The following KDM4C variants were observed in gnomAD, a reference collection of about 807,000 sequenced individuals.
KDM4C encodes the protein lysine demethylase 4C.
In KDM4C, 81 loss-of-function variants were observed where a neutral mutation model predicts 129.3. The observed-to-expected ratio is 0.63, with a 90% CI of 0.52 to 0.75. The LOEUF is 0.75. KDM4C is among the 30% of genes least tolerant of loss of function. The pLI is 0.00. For synonymous variants in KDM4C, 573 were observed against 456.1 expected (o/e 1.26, Z -3.26); for missense variants, 1,457 against 1,304.0 (o/e 1.12, Z -1.81).
chr9:7,105,624 A>G (rs1837598464), intron 18 of KDM4C: 1 of 362,062 alleles, frequency 2.8e-6, no homozygotes, highest in Non-Finnish European at 5.6e-6. Context: ...TTTAGCTCAT[A>G]CTCTATTATT....
At chr9:6,933,231 C>G (rs573994245) in intron 8 of KDM4C, among the ~76,000 whole-genome samples, 1 of 152,250 alleles carries the variant, frequency 6.6e-6, no homozygotes, top group Admixed American at 6.5e-5. Flanking sequence ...CTTTCAAAAG[C>G]CTTTAGTAGA....
At chr9:6,781,764 G>A (rs1169418153) in intron 1 of KDM4C, among the ~76,000 whole-genome samples, 1 of 151,928 alleles carries the variant, frequency 6.6e-6, no homozygotes, top group Non-Finnish European at 1.5e-5. Flanking sequence ...CGCTATGCGT[G>A]TCTGTGAATG....
intron 8 of KDM4C, among the ~76,000 whole-genome samples, chr9:6,905,806 CTTCA>C (rs1218360277): frequency 6.6e-6 from 1 of 152,158 alleles, no homozygotes; most frequent in Non-Finnish European, 1.5e-5. Flanking sequence ...CAGCCTGTGA[CTTCA>C]TTCAGCCCCT....
intron 5 of KDM4C, among the ~76,000 whole-genome samples, chr9:6,868,430 G>A (rs1477246667): frequency 1.3e-5 from 2 of 152,132 alleles, no homozygotes; most frequent in Non-Finnish European, 2.9e-5. Context: ...CTGGATCACC[G>A]ATTTGAGCCA....
intron 17 of KDM4C, among the ~76,000 whole-genome samples, chr9:7,061,064 T>G (rs1831594890): frequency 6.6e-6 from 1 of 152,178 alleles, no homozygotes; most frequent in South Asian, 2.1e-4. Flanking sequence ...TTTACTTTGT[T>G]TTTTAGTCTC....
At chr9:7,046,769 G>GA (rs1332135822) in intron 15 of KDM4C, 93 bp from the exon 16 acceptor site, 1 of 900,212 alleles carries the variant, frequency 1.1e-6, no homozygotes, top group Non-Finnish European at 1.8e-6. Context: ...ATTTTAGAAT[G>GA]AAAAATCAGG....
chr9:7,169,118 C>T (rs1042695665), intron 20 of KDM4C, among the ~76,000 whole-genome samples: 5 of 150,866 alleles, frequency 3.3e-5, no homozygotes, highest in Admixed American at 3.3e-4. Context: ...CTCCTTGTTA[C>T]GTTGTCAGAG....
intron 15 of KDM4C, among the ~76,000 whole-genome samples, chr9:7,046,354 G>T (rs75528126): frequency 3.9e-5 from 6 of 152,016 alleles, no homozygotes; most frequent in African/African-American, 7.2e-5. Context: ...AGAGTGAGGC[G>T]CAAGTGTTAC....
chr9:6,870,393 T>C (rs1454474742), intron 5 of KDM4C, among the ~76,000 whole-genome samples: 1 of 151,914 alleles, frequency 6.6e-6, no homozygotes, highest in Non-Finnish European at 1.5e-5. Flanking sequence ...ACTTTGGAGT[T>C]AAGATAGGTC....
chr9:7,003,702 A>G (rs1821144096), intron 12 of KDM4C, among the ~76,000 whole-genome samples: 1 of 152,190 alleles, frequency 6.6e-6, no homozygotes, highest in African/African-American at 2.4e-5. Flanking sequence ...CCTCAATGTC[A>G]TCACTTCTTA....
chr9:6,998,781 G>A (rs1180738587), intron 12 of KDM4C, among the ~76,000 whole-genome samples: 1 of 148,198 alleles, frequency 6.7e-6, no homozygotes, highest in African/African-American at 2.5e-5. Context: ...GGGCAACACA[G>A]CAGGACTCTG....
intron 8 of KDM4C, among the ~76,000 whole-genome samples, chr9:6,946,564 C>T (rs1827010870): frequency 6.6e-6 from 1 of 152,062 alleles, no homozygotes; most frequent in South Asian, 2.1e-4. Context: ...TAGGGTAAAT[C>T]TCTACCAAGT....
intron 1 of KDM4C, among the ~76,000 whole-genome samples, chr9:6,775,710 C>CG (rs1822886742): frequency 1.3e-5 from 2 of 150,964 alleles, no homozygotes; most frequent in East Asian, 3.9e-4. Flanking sequence ...TTAGTAGAGA[C>CG]GGGGTTTCTC....
rs536853551 is a variant in KDM4C at position 7,170,128 on chromosome 9, G to A, written c.2994+238G>A. On this transcript the variant is annotated intron_variant, in intron 21 of 21. Transcript: ENST00000381309. ...ATGAAGTCACATGATGCTTCTTTGT[G>A]TTGACATTTATTGGTGCACAAAAAT... 22 of 1,391,364 alleles carry A rather than the reference G, an allele frequency of 1.6e-5. No individual in the cohort carries two copies. The South Asian group carries it at 3.3e-4, about 21-fold the overall frequency. The allele number at this position is 1,391,364 out of a possible 1,614,324, so 86.2% of individuals were successfully genotyped here.
intron 4 of KDM4C, among the ~76,000 whole-genome samples, chr9:6,841,993 T>C (rs1320741870): frequency 6.6e-6 from 1 of 152,204 alleles, no homozygotes; most frequent in Non-Finnish European, 1.5e-5. Context: ...TCTTTGGCCA[T>C]TTGCATATTG....
At chr9:6,876,895 A>G (rs1190619815) in intron 5 of KDM4C, among the ~76,000 whole-genome samples, 1 of 152,220 alleles carries the variant, frequency 6.6e-6, no homozygotes, top group Non-Finnish European at 1.5e-5. Flanking sequence ...AAAAACATAA[A>G]AAAGCTTCGC....
intron 4 of KDM4C, among the ~76,000 whole-genome samples, chr9:6,839,344 G>A (rs4742267): frequency 2.7e-5 from 4 of 150,468 alleles, no homozygotes; most frequent in African/African-American, 7.4e-5. Context: ...ATTCCCCCAC[G>A]TCAACTTTCC....
At chr9:6,760,181 A>G (rs1819131030) in intron 1 of KDM4C, among the ~76,000 whole-genome samples, 2 of 151,772 alleles carry the variant, frequency 1.3e-5, no homozygotes, top group African/African-American at 2.4e-5. Flanking sequence ...TATTCTGGAC[A>G]TTTTATATAC....
chr9:7,011,015 G>A (rs1172132170), intron 12 of KDM4C, among the ~76,000 whole-genome samples: 3 of 152,108 alleles, frequency 2.0e-5, no homozygotes, highest in Non-Finnish European at 2.9e-5. Flanking sequence ...TTGTACTCCA[G>A]CCTGGGCACG....
Sources: allele counts gnomAD v4.1 joint callset (sites outside exome capture counted in the v4.1 genomes callset), GRCh38; gene constraint gnomAD v4.1.1; transcripts MANE v1.5; gene names NCBI Gene and HGNC (gene_info 2026-07-23, HGNC 2026-07-21).